The following FAM120B variants were observed in gnomAD, a reference collection of about 807,000 sequenced individuals.
FAM120B encodes the protein family with sequence similarity 120 member B, also known as constitutive coactivator of peroxisome proliferator-activated receptor gamma.
FAM120B carries 83 observed loss-of-function variants against 96.3 expected under a neutral mutation model. The observed-to-expected ratio is 0.86, with a 90% confidence interval of 0.72 to 1.03. The LOEUF is 1.03. Ranked by LOEUF, FAM120B falls within the 50% of genes least tolerant of loss-of-function variation. The pLI, the probability that FAM120B is intolerant of heterozygous loss-of-function variation, is 0.00. For synonymous variants in FAM120B, 407 were observed against 402.7 expected, an observed-to-expected ratio of 1.01 and a Z score of -0.13; for missense variants, 1,027 against 1,121.2, an observed-to-expected ratio of 0.92 and a Z score of 1.20.
At chr6:170,398,227 C>G (rs1453519886) in intron 9 of FAM120B, among the ~76,000 whole-genome samples, 1 of 152,246 alleles carries the variant, frequency 6.6e-6, no homozygotes, top group East Asian at 1.9e-4. Flanking sequence ...CCTTGAGTGT[C>G]CTTTCTAGCT....
At chr6:170,325,874 T>G (rs1785559555) in intron 3 of FAM120B, among the ~76,000 whole-genome samples, 1 of 150,676 alleles carries the variant, frequency 6.6e-6, no homozygotes. Flanking sequence ...AAAAAGTGGT[T>G]GATCTGGGGG....
chr6:170,357,879 G>A (rs747412949), intron 5 of FAM120B, among the ~76,000 whole-genome samples: 1 of 152,224 alleles, frequency 6.6e-6, no homozygotes, highest in Non-Finnish European at 1.5e-5. Flanking sequence ...AGGATGGTGT[G>A]AAGAGGCTGT....
At chr6:170,352,981 G>A (rs1373414727) in intron 5 of FAM120B, among the ~76,000 whole-genome samples, 1 of 151,614 alleles carries the variant, frequency 6.6e-6, no homozygotes, top group Non-Finnish European at 1.5e-5. Context: ...TAGACCACTA[G>A]CTACACTAAT....
chr6:170,334,614 C>T lies in FAM120B; in HGVS notation c.2017+4064C>T, dbSNP rs189825813. The stretch of plus-strand genomic sequence containing the variant: ...GAAGCTGGGTGTGTGTGTGCCTGCC[C>T]TTGGTGAGGCTCTGCTCATGTGGCT... On this transcript the variant is annotated intron_variant, in intron 4 of 10. Transcript: ENST00000476287. Among the ~76,000 whole-genome samples the T allele has an allele frequency of 4.8e-3, 734 of 151,996 alleles. 4 individuals are homozygous for T. Among genetic ancestry groups the T allele is most frequent in the Non-Finnish European group, 8.1e-3 (554 of 67,980 alleles).
At chr6:170,325,898 T>A (rs1785562136) in intron 3 of FAM120B, among the ~76,000 whole-genome samples, 1 of 151,746 alleles carries the variant, frequency 6.6e-6, no homozygotes, top group Non-Finnish European at 1.5e-5. Context: ...GTTAGATTGG[T>A]GCAAAAATAA....
intron 6 of FAM120B, among the ~76,000 whole-genome samples, chr6:170,361,233 T>TATAC (rs201833135): frequency 1.7e-5 from 2 of 120,158 alleles, no homozygotes; most frequent in Admixed American, 1.9e-4. Flanking sequence ...TATATATATA[T>TATAC]ATACACGTAT....
intron 6 of FAM120B, among the ~76,000 whole-genome samples, chr6:170,380,835 G>A (rs978039835): frequency 3.9e-5 from 6 of 152,148 alleles, no homozygotes; most frequent in African/African-American, 1.4e-4. Flanking sequence ...TTGCTGTTCA[G>A]CTAAGCTTTG....
intron 6 of FAM120B, among the ~76,000 whole-genome samples, chr6:170,381,918 T>G (rs1188049839): frequency 6.6e-6 from 1 of 152,102 alleles, no homozygotes; most frequent in African/African-American, 2.4e-5. Flanking sequence ...AGTAAAAGAC[T>G]AATTGCTTTT....
At chr6:170,389,698 T>C (rs1790381054) in intron 7 of FAM120B, among the ~76,000 whole-genome samples, 1 of 152,146 alleles carries the variant, frequency 6.6e-6, no homozygotes, top group African/African-American at 2.4e-5. Context: ...TAGCCAGGAC[T>C]GCAGGCGCGC....
At chr6:170,322,980 TAA>T in intron 2 of FAM120B, 97 bp from the exon 3 acceptor site, 1 of 1,023,544 alleles carries the variant, frequency 9.8e-7, no homozygotes, top group Non-Finnish European at 1.4e-6. Context: ...CTGAGGGCCT[TAA>T]AAAACTGGCA....
chr6:170,330,395 G>A (rs1316153271), intron 3 of FAM120B, 54 bp from the exon 4 acceptor site: 1 of 1,423,440 alleles, frequency 7.0e-7, no homozygotes, highest in African/African-American at 1.4e-5. Flanking sequence ...GTGACACTGT[G>A]AGCCTGGCGA....
rs1778824032 is a variant in FAM120B, at chr6:170,407,001, T to A, written c.*2250T>A. The A allele has an allele frequency of 6.6e-6, 1 of 152,200 alleles. No homozygotes were observed. The highest frequency in any genetic ancestry group is 1.5e-5 in the Non-Finnish European group (1 of 68,020). The allele number at this position is 152,200 out of a possible 1,614,324, so 9.4% of individuals were successfully genotyped here. A position where few individuals can be genotyped will look rare whatever the true frequency, so the allele number is the denominator to read the frequency against. On this transcript the variant is annotated 3_prime_UTR_variant, in exon 11 of 11. Transcript: ENST00000476287. ...AGTTGTAAGTAACACTGCAGTCAAG[T>A]CTTCTGATGAAATTTCCATATATCA...
chr6:170,317,500 G>A lies in FAM120B; in HGVS notation c.110G>A (p.Cys37Tyr). Residue 37 changes from cysteine to tyrosine, a missense_variant, in exon 2 of 11, where the codon TGT (cysteine) becomes TAT (tyrosine). By Grantham distance (194) the Cys-to-Tyr change is radical (BLOSUM62 -2). Transcript: ENST00000476287. ...AEHHRSKYPG[C>Y]TPTIVVDAMC... is the part of the protein sequence containing the mutation. ...CACCACCGAAGCAAGTATCCTGGAT[G>A]TACCCCTACCATTGTGGTTGATGCC... The A allele has an allele frequency of 6.2e-7, 1 of 1,614,194 alleles. No individual in the cohort carries two copies. The highest frequency in any genetic ancestry group is 8.5e-7 in the Non-Finnish European group (1 of 1,180,024).
chr6:170,344,183 G>A (rs1369979846), intron 4 of FAM120B, among the ~76,000 whole-genome samples: 1 of 106,500 alleles, frequency 9.4e-6, no homozygotes, highest in African/African-American at 4.0e-5. Flanking sequence ...AAATCGTTCA[G>A]TCCATTCACC....
intron 6 of FAM120B, among the ~76,000 whole-genome samples, chr6:170,360,274 G>A (rs1562565494): frequency 6.6e-6 from 1 of 152,206 alleles, no homozygotes; most frequent in African/African-American, 2.4e-5. Flanking sequence ...GTGCCTCAGT[G>A]TCCTCTCATT....
chr6:170,306,284 C>G (rs944749000), upstream of FAM120B, among the ~76,000 whole-genome samples: 6 of 152,216 alleles, frequency 3.9e-5, no homozygotes, highest in African/African-American at 1.4e-4. Flanking sequence ...CGCGGCGGGT[C>G]CCCTGTGCAG....
intron 3 of FAM120B, among the ~76,000 whole-genome samples, chr6:170,327,175 T>A (rs1785647625): frequency 6.6e-6 from 1 of 152,102 alleles, no homozygotes; most frequent in Non-Finnish European, 1.5e-5. Context: ...GCCTCCCAAG[T>A]ACCTGGGACT....
At position 170,318,264 on chromosome 6, in the gene FAM120B, C is replaced by T. The variant is rs749468107; in HGVS notation, c.874C>T (p.Pro292Ser). The stretch of plus-strand genomic sequence containing the variant: ...ATTAGAAGAGATATTACCTCTGGGA[C>T]CAAACAAAGCTCTTTTTTATAAAGG... ...KKLEEILPLG[P>S]NKALFYKGMA... is the part of the protein sequence containing the mutation. The change falls in exon 2 of 11, where the codon CCA (proline) becomes TCA (serine). Residue 292 changes from proline to serine, a missense_variant. Pro to Ser is a moderately conservative substitution (Grantham distance 74). Transcript: ENST00000476287. The T allele has an allele frequency of 6.2e-7, 1 of 1,614,062 alleles. No individual in the cohort carries two copies.
In FAM120B at chr6:170,318,535, A is replaced by C. The variant is rs1328375968; in HGVS notation, c.1145A>C (p.Asp382Ala). 1 of 1,470,204 alleles carries C rather than the reference A, an allele frequency of 6.8e-7. No homozygotes were observed. The highest frequency in any genetic ancestry group is 9.2e-7 in the Non-Finnish European group (1 of 1,092,324). 91.1% of individuals were successfully genotyped at this position (1,470,204 alleles called of 1,614,324 possible). A position where few individuals can be genotyped will look rare whatever the true frequency, so the allele number is the denominator to read the frequency against. The change falls in exon 2 of 11, where the codon GAC (aspartate) becomes GCC (alanine). Residue 382 changes from aspartate (D) to alanine (A), a missense_variant. Coordinates refer to ENST00000476287, the MANE Select transcript of FAM120B (RefSeq NM_032448.3). ...AGGCAAGAAGTTCCCATGTGTTCAG[A>C]CCCTGAACCCAGGCAAGAAGTTCCC... ...EPRQEVPMCS[D>A]PEPRQEVPTC... is the part of the protein sequence containing the mutation.
Sources: allele counts gnomAD v4.1 joint callset (sites outside exome capture counted in the v4.1 genomes callset), GRCh38; gene constraint gnomAD v4.1.1; transcripts MANE v1.5; gene names NCBI Gene and HGNC (gene_info 2026-07-23, HGNC 2026-07-21).